Variants in MYO5C observed in about 807,000 individuals in gnomAD.
MYO5C encodes myosin VC, also known as unconventional myosin-Vc.
MYO5C carries 194 observed loss-of-function variants against 235.7 expected under a neutral mutation model. The ratio of observed to expected loss-of-function variants is 0.82; its 90% CI spans 0.73 to 0.93. MYO5C has a LOEUF of 0.93. Ranked by LOEUF, MYO5C falls within the 40% of genes least tolerant of loss-of-function variation. MYO5C has a pLI of 0.00. For synonymous variants in MYO5C, 707 were observed against 754.8 expected, an observed-to-expected ratio of 0.94 and a Z score of 1.04; for missense variants, 2,038 against 2,127.2, an observed-to-expected ratio of 0.96 and a Z score of 0.82.
intron 38 of MYO5C, among the ~76,000 whole-genome samples, chr15:52,199,383 C>T (rs1429084272): frequency 6.6e-6 from 1 of 152,168 alleles, no homozygotes; most frequent in Non-Finnish European, 1.5e-5. Context: ...TCTTGTCTGT[C>T]CCACTGAATG....
At chr15:52,253,212 G>A in intron 12 of MYO5C, 105 bp downstream of exon 12, 1 of 1,137,670 alleles carries the variant, frequency 8.8e-7, no homozygotes, top group Non-Finnish European at 1.3e-6. Flanking sequence ...CAACCAACTG[G>A]ATAAACATCA....
At chr15:52,229,986 C>A (rs2035912285) in intron 24 of MYO5C, among the ~76,000 whole-genome samples, 1 of 152,170 alleles carries the variant, frequency 6.6e-6, no homozygotes, top group African/African-American at 2.4e-5. Context: ...CCTTGGCGTG[C>A]TCTGCTAAGT....
intron 1 of MYO5C, among the ~76,000 whole-genome samples, chr15:52,291,801 C>T (rs1465621619): frequency 3.1e-5 from 4 of 128,286 alleles, no homozygotes; most frequent in Admixed American, 2.0e-4. Flanking sequence ...TGCAGCGGCG[C>T]GATCTCGGCT....
At chr15:52,293,959 G>A (rs2140879060) in intron 1 of MYO5C, among the ~76,000 whole-genome samples, 1 of 152,352 alleles carries the variant, frequency 6.6e-6, no homozygotes, top group Admixed American at 6.5e-5. Flanking sequence ...CCACCAGGAA[G>A]GGAGGTGGCA....
At position 52,205,125 on chromosome 15, in the gene MYO5C, C is replaced by T. The variant is rs1486953280; in HGVS notation, c.4560G>A (p.Glu1520=). 5.6e-6 allele frequency: 9 copies of T among 1,614,086 alleles called. No homozygotes were observed. Among genetic ancestry groups the T allele is most frequent in the Admixed American group, 3.3e-5 (2 of 60,024 alleles). The change falls in exon 38 of 41, where the codon GAG becomes GAA. Residue 1520 remains glutamate (E), a synonymous_variant. Coordinates refer to ENST00000261839, the MANE Select transcript of MYO5C (RefSeq NM_018728.4). ...TCAGGCCGGAAATGCCCTGCAGGCT[C>T]TCATACTCCAGCATTCCCGGAACTG... ...PIIVPGMLEY[E]SLQGISGLKP...
intron 24 of MYO5C, among the ~76,000 whole-genome samples, chr15:52,232,058 G>C (rs1233007547): frequency 6.6e-6 from 1 of 151,160 alleles, no homozygotes; most frequent in Non-Finnish European, 1.5e-5. Flanking sequence ...AGTTGAAGGT[G>C]GTGGTAGTCT....
At position 52,218,635 on chromosome 15, in the gene MYO5C, C is replaced by T; in HGVS notation, c.3838G>A (p.Asp1280Asn). ...GCCTCCTGCATTTCTTGAATCTTAT[C>T]AATCAGCTTCTCCTTCTCTTTGGTA... is the stretch of plus-strand genomic sequence containing the variant. ...IHTKEKEKLI[D>N]KIQEMQEASD... Residue 1280 changes from aspartate (D) to asparagine (N), a missense_variant, in exon 32 of 41, where the codon GAT (aspartate) becomes AAT (asparagine). Asp to Asn is a conservative substitution (Grantham distance 23). Transcript: ENST00000261839. The T allele has an allele frequency of 6.2e-7, 1 of 1,614,212 alleles. No homozygotes were observed. Among genetic ancestry groups the T allele is most frequent in the Non-Finnish European group, 8.5e-7 (1 of 1,180,040 alleles).
intron 26 of MYO5C, 97 bp downstream of exon 26, chr15:52,225,342 A>G (rs945987982): frequency 1.7e-6 from 2 of 1,192,550 alleles, no homozygotes; most frequent in Admixed American, 1.7e-5. Context: ...CATATGTCCA[A>G]CCAAATTCAT....
rs765797637 is a variant in MYO5C at position 52,245,400 on chromosome 15, CT to C, written c.2131del (p.Ser711AlafsTer38). On this transcript the variant is annotated frameshift_variant, in exon 18 of 41. Transcript: ENST00000261839. LOFTEE classifies it high-confidence loss of function. ...ILMTKQELSF[S>X]DKKEVCKVVL... The stretch of plus-strand genomic sequence containing the variant: ...CACCTTGCACACCTCCTTTTTATCG[CT>C]GAAGGAAAGCTCTTGCTTGGTCATG... 1 of 1,614,170 alleles carries C rather than the reference CT, an allele frequency of 6.2e-7. No individual in the cohort carries two copies. The highest frequency in any genetic ancestry group is 8.5e-7 in the Non-Finnish European group (1 of 1,180,024).
chr15:52,288,511 T>C (rs1219161542), intron 1 of MYO5C, among the ~76,000 whole-genome samples: 1 of 152,190 alleles, frequency 6.6e-6, no homozygotes, highest in Admixed American at 6.5e-5. Flanking sequence ...GCCCTGCAGC[T>C]GAAACCCAGC....
chr15:52,218,710 G>A, intron 31 of MYO5C, 23 bp from the exon 32 acceptor site: 1 of 1,612,180 alleles, frequency 6.2e-7, no homozygotes, highest in Non-Finnish European at 8.5e-7. Context: ...GGGAGGAATG[G>A]CTGGTATCAG....
chr15:52,254,511 C>T lies in MYO5C; in HGVS notation c.1396-1054G>A, dbSNP rs116658947. Among the ~76,000 whole-genome samples, 308 of 152,184 alleles carry T rather than the reference C, an allele frequency of 2.0e-3. 2 individuals carry two copies. Among genetic ancestry groups the T allele is most frequent in the African/African-American group, 7.2e-3 (301 of 41,524 alleles). ...CTGAGCTCCCTGGGGGCATCAGGTG[C>T]AAGGCCCAGTGGCAGCCAGAAGAGG... On this transcript the variant is annotated intron_variant, in intron 11 of 40. Transcript: ENST00000261839.
At chr15:52,228,462 T>C (rs1490714274) in intron 25 of MYO5C, among the ~76,000 whole-genome samples, 1 of 152,190 alleles carries the variant, frequency 6.6e-6, no homozygotes, top group African/African-American at 2.4e-5. Context: ...TTTTTATATA[T>C]CATTATGCAG....
intron 38 of MYO5C, among the ~76,000 whole-genome samples, chr15:52,202,919 T>A (rs1042117354): frequency 1.3e-4 from 10 of 79,734 alleles, no homozygotes; most frequent in Non-Finnish European, 3.3e-4. Context: ...GTACATGAAA[T>A]TTTTTTTTGT....
intron 7 of MYO5C, among the ~76,000 whole-genome samples, chr15:52,270,481 A>T (rs1357979094): frequency 6.6e-6 from 1 of 151,916 alleles, no homozygotes; most frequent in Non-Finnish European, 1.5e-5. Flanking sequence ...TGTACAATAA[A>T]CTGCATATGT....
rs181144317 is a variant in MYO5C at position 52,272,873 on chromosome 15, C to A, written c.607-150G>T. On this transcript the variant is annotated intron_variant, in intron 5 of 40. Transcript: ENST00000261839. Reference sequence around the variant, plus strand: ...TCTGGGGAAAGAAAGCAACCCCACGCTGGCAGGGAACATGACAAATCAGAA... The same window carrying A: ...TCTGGGGAAAGAAAGCAACCCCACGATGGCAGGGAACATGACAAATCAGAA... 8.6e-6 allele frequency: 6 copies of A among 698,884 alleles called. No homozygotes were observed. The African/African-American group carries it at 1.1e-4, about 13-fold the overall frequency. 43.3% of individuals were successfully genotyped at this position (698,884 alleles called of 1,614,324 possible). A position where few individuals can be genotyped will look rare whatever the true frequency, so the allele number is the denominator to read the frequency against.
chr15:52,218,910 C>T (rs2035614406), intron 31 of MYO5C, among the ~76,000 whole-genome samples: 1 of 152,194 alleles, frequency 6.6e-6, no homozygotes, highest in Non-Finnish European at 1.5e-5. Context: ...GTCTCCTTCC[C>T]CCAATAAGAG....
chr15:52,218,761 G>A, intron 31 of MYO5C, 74 bp from the exon 32 acceptor site: 4 of 1,489,930 alleles, frequency 2.7e-6, no homozygotes, highest in Non-Finnish European at 3.7e-6. Flanking sequence ...CATAGCAAGT[G>A]CTGATATTTC....
In MYO5C at chr15:52,275,771, CAT is replaced by C. The variant is rs2037035533; in HGVS notation, c.450-55_450-54del. The C allele has an allele frequency of 5.7e-6, 9 of 1,569,736 alleles. No individual in the cohort carries two copies. In the Admixed American group the frequency reaches 6.7e-5, roughly 12 times the overall value. On this transcript the variant is annotated intron_variant, in intron 4 of 40. Transcript: ENST00000261839. The stretch of plus-strand genomic sequence containing the variant: ...TAGTTTCTTCCCATTAAAGAGGCAA[CAT>C]GTGCTAATTAAGACAAATGTGGACA...
Sources: gnomAD v4.1 joint callset for allele counts (sites outside exome capture counted in the v4.1 genomes callset) on GRCh38, gnomAD v4.1.1 for gene constraint, MANE v1.5 for transcripts, NCBI Gene and HGNC (gene_info 2026-07-23, HGNC 2026-07-21) for gene names.